The following RUNX1T1 variants were observed in gnomAD, a reference collection of about 807,000 sequenced individuals.
The protein encoded by RUNX1T1 is RUNX1 partner transcriptional co-repressor 1.
RUNX1T1 carries 4 observed loss-of-function variants against 62.8 expected under a neutral mutation model. That is an observed-to-expected ratio of 0.06 (90% CI 0.03 to 0.15). RUNX1T1 has a LOEUF of 0.15. RUNX1T1 is among the 10% of genes least tolerant of loss of function. The pLI is 1.00. For missense variants in RUNX1T1, 508 were observed against 754.3 expected, an observed-to-expected ratio of 0.67 and a Z score of 3.82; for synonymous variants, 291 against 286.0, an observed-to-expected ratio of 1.02 and a Z score of -0.18.
At chr8:92,045,009 T>C (rs996228286) in intron 1 of RUNX1T1, among the ~76,000 whole-genome samples, 5 of 151,618 alleles carry the variant, frequency 3.3e-5, no homozygotes, top group African/African-American at 1.2e-4. Context: ...GGTGGGAGGA[T>C]TGCTTGAAGC....
intron 10 of RUNX1T1, among the ~76,000 whole-genome samples, chr8:91,967,831 G>C (rs2130566458): frequency 6.6e-6 from 1 of 152,196 alleles, no homozygotes; most frequent in African/African-American, 2.4e-5. Flanking sequence ...GGTAAGAGAT[G>C]GGCAGATGTT....
intron 5 of RUNX1T1, among the ~76,000 whole-genome samples, chr8:91,992,573 G>A (rs1817889237): frequency 6.6e-6 from 1 of 152,144 alleles, no homozygotes; most frequent in African/African-American, 2.4e-5. Flanking sequence ...ATCAAACTGA[G>A]CAAATACCGT....
chr8:91,975,533 A>T (rs1439779549), intron 9 of RUNX1T1, among the ~76,000 whole-genome samples: 1 of 149,696 alleles, frequency 6.7e-6, no homozygotes, highest in Admixed American at 6.6e-5. Context: ...TATGCAATTT[A>T]ATTTCTAAGA....
At chr8:92,095,783 C>T in intron 1 of RUNX1T1, 1 of 329,824 alleles carries the variant, frequency 3.0e-6, no homozygotes, top group Non-Finnish European at 5.5e-6. Context: ...GGCTAGAAGT[C>T]GCCTGCATGC....
intron 3 of RUNX1T1, among the ~76,000 whole-genome samples, chr8:92,013,167 T>A (rs1822313835): frequency 6.6e-6 from 1 of 152,166 alleles, no homozygotes; most frequent in South Asian, 2.1e-4. Context: ...CTTATTTACA[T>A]GTTAAAAAAG....
chr8:92,028,226 T>C (rs1026980718), intron 1 of RUNX1T1, among the ~76,000 whole-genome samples: 4 of 151,592 alleles, frequency 2.6e-5, no homozygotes, highest in Admixed American at 2.6e-4. Context: ...TTTATCACTA[T>C]TTTAATCAAA....
chr8:91,980,767 G>A (rs1168729755), intron 8 of RUNX1T1, among the ~76,000 whole-genome samples: 1 of 152,120 alleles, frequency 6.6e-6, no homozygotes, highest in African/African-American at 2.4e-5. Context: ...GACCTCCTGG[G>A]CTCAAGGAAT....
At chr8:92,095,570 A>T (rs929853131) in intron 1 of RUNX1T1, 1 of 1,449,160 alleles carries the variant, frequency 6.9e-7, no homozygotes, top group African/African-American at 1.4e-5. Flanking sequence ...CAGGAAAATA[A>T]ACAGAGGGTG....
At chr8:91,986,233 A>T in exon 8 of RUNX1T1, 1 of 1,614,028 alleles carries the variant, frequency 6.2e-7, no homozygotes, top group Non-Finnish European at 8.5e-7. Context: ...GGATCCAGTA[A>T]TTCAATTCTT....
upstream of RUNX1T1, among the ~76,000 whole-genome samples, chr8:92,067,963 C>A (rs1833117470): frequency 6.6e-6 from 1 of 152,146 alleles, no homozygotes; most frequent in South Asian, 2.1e-4. Flanking sequence ...TATTTAAACA[C>A]AAATTTTAAA....
At chr8:91,959,689 T>C in exon 11 of RUNX1T1, 1 of 229,382 alleles carries the variant, frequency 4.4e-6, no homozygotes. Flanking sequence ...CTGCGCGTTT[T>C]GTAGCGGGTC....
upstream of RUNX1T1, among the ~76,000 whole-genome samples, chr8:92,102,423 G>GA (rs1020530151): frequency 0.029 from 2,899 of 100,370 alleles, 48 homozygotes; most frequent in African/African-American, 0.061. The surrounding 1 kb of genome is among the most constrained non-coding windows in gnomAD (Gnocchi z 4.5). Context: ...AAAAAGAAAA[G>GA]AAAAAAAAAA....
chr8:92,095,243 AAGGGAGAG>A (rs1007601974), intron 1 of RUNX1T1: 3 of 1,528,894 alleles, frequency 2.0e-6, no homozygotes, highest in African/African-American at 1.4e-5. Context: ...ATCATTTGGA[AAGGGAGAG>A]AGGGAGAGAG....
chr8:92,017,317 C>T lies in RUNX1T1; in HGVS notation c.54G>A (p.Val18=), dbSNP rs750863639. ...GAGGAGTCAGCCTAGATTGCGTCTT[C>T]ACATCCACAGGTGAGTCTGGCATTG... is the stretch of plus-strand genomic sequence containing the variant. The change falls in exon 2 of 11, where the codon GTG becomes GTA. Residue 18 remains valine (V), a synonymous_variant. Coordinates refer to ENST00000396218, the Ensembl canonical transcript of RUNX1T1. 19 of 1,613,918 alleles carry T rather than the reference C, an allele frequency of 1.2e-5. No individual in the cohort carries two copies. In the South Asian group the frequency reaches 1.8e-4, roughly 15 times the overall value.
intron 1 of RUNX1T1, among the ~76,000 whole-genome samples, chr8:92,046,004 C>A (rs1031535004): frequency 6.6e-6 from 1 of 152,052 alleles, no homozygotes; most frequent in Non-Finnish European, 1.5e-5. Flanking sequence ...AAGGAAATTA[C>A]TCAAATAATT....
intron 9 of RUNX1T1, among the ~76,000 whole-genome samples, chr8:91,973,818 A>G (rs1420269829): frequency 2.0e-5 from 3 of 152,082 alleles, no homozygotes; most frequent in African/African-American, 7.2e-5. Flanking sequence ...AGATGAAACT[A>G]TCATCCATAC....
At position 92,014,830 on chromosome 8, in the gene RUNX1T1, G is replaced by C. The variant is rs776704173; in HGVS notation, c.146-10C>G. Reference sequence around the variant, plus strand: ...CTCGTGCCATTAGTTACTGTCAAGAGCACAAAATCAGAAGGAAGTCATAAA... The same window carrying C: ...CTCGTGCCATTAGTTACTGTCAAGACCACAAAATCAGAAGGAAGTCATAAA... On this transcript the variant is annotated splice_polypyrimidine_tract_variant and intron_variant, in intron 2 of 10. Transcript: ENST00000396218. 6 of 1,588,144 alleles carry C rather than the reference G, an allele frequency of 3.8e-6. No homozygotes were observed. The Admixed American group carries it at 7.1e-5, about 19-fold the overall frequency.
chr8:92,061,159 C>T (rs1831974399), intron 1 of RUNX1T1, among the ~76,000 whole-genome samples: 2 of 152,246 alleles, frequency 1.3e-5, no homozygotes, highest in South Asian at 2.1e-4. Context: ...TCACAAATGG[C>T]TTTGGTTTAT....
At chr8:92,003,549 C>A (rs1586933971) in intron 5 of RUNX1T1, among the ~76,000 whole-genome samples, 2 of 151,954 alleles carry the variant, frequency 1.3e-5, no homozygotes, top group African/African-American at 4.8e-5. Context: ...CTCCTCCACC[C>A]CAACAACCCT....
Sources: gnomAD v4.1 joint callset for allele counts (sites outside exome capture counted in the v4.1 genomes callset) on GRCh38, gnomAD v4.1.1 for gene constraint, Gnocchi (gnomAD v3.1) non-coding constraint, MANE v1.5 for transcripts, NCBI Gene and HGNC (gene_info 2026-07-23, HGNC 2026-07-21) for gene names.